Variants in LGR6 observed in about 807,000 individuals in gnomAD.
LGR6 encodes the protein leucine rich repeat containing G protein-coupled receptor 6.
LGR6 carries 45 observed loss-of-function variants against 69.4 expected under a neutral mutation model. The ratio of observed to expected loss-of-function variants is 0.65; its 90% CI spans 0.51 to 0.83. The LOEUF (loss-of-function observed/expected upper bound fraction) is 0.83, where lower values mean the gene tolerates loss of function less well. LGR6 is among the 40% of genes least tolerant of loss of function. The pLI is 0.00. For missense variants in LGR6, 1,108 were observed against 1,246.7 expected (o/e 0.89, Z 1.68); for synonymous variants, 538 against 555.0 (o/e 0.97, Z 0.43).
intron 4 of LGR6, among the ~76,000 whole-genome samples, chr1:202,266,506 C>G (rs1271885282): frequency 6.7e-6 from 1 of 150,244 alleles, no homozygotes; most frequent in Non-Finnish European, 1.5e-5. Flanking sequence ...TCAACCCAGA[C>G]TTCCCAATGC....
At chr1:202,264,791 T>G (rs1237022847) in intron 4 of LGR6, among the ~76,000 whole-genome samples, 1 of 152,128 alleles carries the variant, frequency 6.6e-6, no homozygotes, top group Admixed American at 6.5e-5. Flanking sequence ...AAGGAATAGC[T>G]TGGAGGAATG....
chr1:202,259,081 T>G (rs1199534591), intron 4 of LGR6, among the ~76,000 whole-genome samples: 1 of 152,148 alleles, frequency 6.6e-6, no homozygotes, highest in Non-Finnish European at 1.5e-5. Flanking sequence ...ATAATAGAAT[T>G]TATTATTTTA....
intron 1 of LGR6, chr1:202,194,474 G>A (rs1571797548): frequency 4.8e-6 from 3 of 631,302 alleles, no homozygotes; most frequent in Non-Finnish European, 8.8e-6. Context: ...GGCTTGGCGA[G>A]GTGGGTTCTG....
At chr1:202,239,344 G>GTGGT (rs370248244) in intron 4 of LGR6, among the ~76,000 whole-genome samples, 30 of 144,248 alleles carry the variant, frequency 2.1e-4, no homozygotes, top group Admixed American at 1.7e-3. Flanking sequence ...GTGTGTGTGT[G>GTGGT]GTGTGTGTGT....
At chr1:202,223,838 A>C in intron 1 of LGR6, among the ~76,000 whole-genome samples, 1 of 5,200 alleles carries the variant, frequency 1.9e-4, no homozygotes, top group South Asian at 7.0e-3. Flanking sequence ...TCCCAGCCCC[A>C]CAGGCCTGTG....
At chr1:202,279,535 A>G (rs1665847059) in intron 5 of LGR6, among the ~76,000 whole-genome samples, 1 of 152,200 alleles carries the variant, frequency 6.6e-6, no homozygotes, top group African/African-American at 2.4e-5. Flanking sequence ...ATGTCACAGT[A>G]TGGAATAGTC....
intron 4 of LGR6, among the ~76,000 whole-genome samples, chr1:202,260,285 C>T (rs763114558): frequency 2.2e-4 from 33 of 152,050 alleles, no homozygotes; most frequent in African/African-American, 6.0e-4. Flanking sequence ...GTGATCCGCC[C>T]GTCTCAGCCT....
Position 202,276,362 on chromosome 1 carries a change from C to T in LGR6, c.485C>T (p.Ser162Phe), listed in dbSNP as rs758933169. The T allele has an allele frequency of 6.2e-7, 1 of 1,614,208 alleles. No homozygotes were observed. The highest frequency in any genetic ancestry group is 1.1e-5 in the South Asian group (1 of 91,086). Residue 162 changes from serine to phenylalanine, a missense_variant, in exon 5 of 18, where the codon TCC (serine) becomes TTC (phenylalanine). Physicochemically the swap from Ser to Phe is radical, Grantham distance 155 (BLOSUM62 -2). Coordinates refer to ENST00000367278, the MANE Select transcript of LGR6 (RefSeq NM_001017403.2). ...CCGGAGAGGAGCTTTGAGGGGCTGT[C>T]CTCCCTCCGCCACCTCTGGCTGGAC... ...LVPERSFEGL[S>F]SLRHLWLDDN... is the part of the protein sequence containing the mutation.
intron 1 of LGR6, among the ~76,000 whole-genome samples, chr1:202,208,393 A>C (rs1190924574): frequency 6.7e-6 from 1 of 150,306 alleles, no homozygotes; most frequent in Non-Finnish European, 1.5e-5. Flanking sequence ...GGAGAGAGAG[A>C]GGAGAAGGAG....
chr1:202,279,348 TC>T (rs1259969899), intron 5 of LGR6, among the ~76,000 whole-genome samples: 2 of 152,102 alleles, frequency 1.3e-5, no homozygotes, highest in African/African-American at 2.4e-5. Context: ...AAGCTTTAAA[TC>T]CCCAGGCTCG....
intron 4 of LGR6, among the ~76,000 whole-genome samples, chr1:202,273,991 T>C (rs1321209944): frequency 6.6e-6 from 1 of 152,148 alleles, no homozygotes; most frequent in East Asian, 1.9e-4. Flanking sequence ...GGGACTAAGA[T>C]GCTGCTCCCA....
At chr1:202,263,563 C>A (rs1664406788) in intron 4 of LGR6, among the ~76,000 whole-genome samples, 1 of 152,066 alleles carries the variant, frequency 6.6e-6, no homozygotes, top group Non-Finnish European at 1.5e-5. Context: ...CCTCCCTAGG[C>A]TAGAGGAGAG....
At chr1:202,209,500 T>C (rs1400502290) in intron 1 of LGR6, among the ~76,000 whole-genome samples, 1 of 152,144 alleles carries the variant, frequency 6.6e-6, no homozygotes, top group Non-Finnish European at 1.5e-5. Context: ...GCGGGCAGAG[T>C]TGATGAGTGG....
chr1:202,290,794 G>A (rs1666739746), intron 6 of LGR6, among the ~76,000 whole-genome samples: 5 of 152,220 alleles, frequency 3.3e-5, no homozygotes, highest in Admixed American at 3.3e-4. Context: ...AACCCAGGAG[G>A]TGGAGGTTGT....
chr1:202,269,208 G>A (rs1046170520), intron 4 of LGR6, among the ~76,000 whole-genome samples: 2 of 152,114 alleles, frequency 1.3e-5, no homozygotes, highest in Non-Finnish European at 2.9e-5. Flanking sequence ...GCCCAGCTGA[G>A]ATTCTTGGTA....
intron 1 of LGR6, chr1:202,197,437 C>G (rs368859365): frequency 2.4e-5 from 13 of 533,332 alleles, no homozygotes; most frequent in Non-Finnish European, 4.6e-5. Flanking sequence ...ACAGTTTCCT[C>G]TTAAACTATA....
At position 202,275,741 on chromosome 1, in the gene LGR6, G is replaced by A. The variant is rs77513452; in HGVS notation, c.429-565G>A. Among the ~76,000 whole-genome samples the A allele has an allele frequency of 5.9e-3, 901 of 152,202 alleles. 3 individuals carry two copies. Among genetic ancestry groups the A allele is most frequent in the African/African-American group, 0.021 (863 of 41,518 alleles). On this transcript the variant is annotated intron_variant, in intron 4 of 17. Transcript: ENST00000367278. The stretch of plus-strand genomic sequence containing the variant: ...TTGGGGAGGCATTTTTCTTTGGTTC[G>A]GTTCAGAGGGAGGACATTTCCCTCT...
chr1:202,228,865 T>C (rs1422889876), intron 3 of LGR6, among the ~76,000 whole-genome samples: 1 of 152,034 alleles, frequency 6.6e-6, no homozygotes, highest in African/African-American at 2.4e-5. Flanking sequence ...AGAATGAGCA[T>C]TTGGGGCTTC....
chr1:202,304,457 TC>T (rs1667829290), intron 10 of LGR6, 101 bp from the exon 11 acceptor site: 2 of 724,444 alleles, frequency 2.8e-6, no homozygotes, highest in African/African-American at 3.5e-5. Context: ...TTTTGTTAGC[TC>T]CGTCATCCCA....
Sources: allele counts gnomAD v4.1 joint callset (sites outside exome capture counted in the v4.1 genomes callset), GRCh38; gene constraint gnomAD v4.1.1; transcripts MANE v1.5; gene names NCBI Gene and HGNC (gene_info 2026-07-23, HGNC 2026-07-21).